RFPL1: variants seen among roughly 807,000 people sequenced by gnomAD.
RFPL1 encodes ret finger protein-like 1.
In RFPL1, 6 loss-of-function variants were observed where a neutral mutation model predicts 9.6. The observed-to-expected ratio is 0.62, with a 90% CI of 0.34 to 1.23. The LOEUF (loss-of-function observed/expected upper bound fraction) is 1.23. Ranked by LOEUF, RFPL1 falls within the 50% of genes most tolerant of loss-of-function variation. The pLI is 0.03. For synonymous variants in RFPL1, 145 were observed against 149.4 expected (o/e 0.97, Z 0.22); for missense variants, 352 against 398.4 (o/e 0.88, Z 0.99).
the RFPL1 span, among the ~76,000 whole-genome samples, chr22:29,431,079 G>A: frequency 1.3e-5 from 2 of 152,078 alleles, no homozygotes; most frequent in Non-Finnish European, 2.9e-5. Context: ...AGAGGCTCTT[G>A]TAATAAAAAC....
chr22:29,400,288 G>A, the RFPL1 span, among the ~76,000 whole-genome samples: 5 of 152,136 alleles, frequency 3.3e-5, no homozygotes, highest in Non-Finnish European at 7.4e-5. Flanking sequence ...GAGCCACCAC[G>A]CCCGGCCTAT....
At chr22:29,437,911 C>T, upstream of RFPL1, 2 of 525,014 alleles carry the variant, frequency 3.8e-6, no homozygotes, top group Middle Eastern at 5.1e-4. Context: ...GGAGTGGTGG[C>T]AGTCAATTTG....
At chr22:29,427,022 G>C in the RFPL1 span, among the ~76,000 whole-genome samples, 1 of 152,204 alleles carries the variant, frequency 6.6e-6, no homozygotes, top group South Asian at 2.1e-4. Context: ...GTGAGAATCA[G>C]GACCCTTAAG....
the RFPL1 span, among the ~76,000 whole-genome samples, chr22:29,388,817 G>A: frequency 6.6e-6 from 1 of 152,236 alleles, no homozygotes; most frequent in Non-Finnish European, 1.5e-5. Context: ...CATCTTCTGT[G>A]TAAAGACGGC....
the RFPL1 span, chr22:29,433,462 T>A: frequency 6.5e-6 from 1 of 154,594 alleles, no homozygotes; most frequent in Non-Finnish European, 1.4e-5. Context: ...ACGCCCCATC[T>A]CCTGCTGGGA....
the RFPL1 span, among the ~76,000 whole-genome samples, chr22:29,404,681 TA>T: frequency 1.3e-5 from 2 of 152,218 alleles, no homozygotes; most frequent in Non-Finnish European, 2.9e-5. Context: ...ATTAAAACAG[TA>T]ACATTAGATA....
chr22:29,441,203 A>C, intron 1 of RFPL1: 1 of 317,388 alleles, frequency 3.2e-6, no homozygotes. Context: ...GCATTGTCTT[A>C]ATTATCATTC....
the RFPL1 span, among the ~76,000 whole-genome samples, chr22:29,429,415 AAAAAAG>A: frequency 2.0e-5 from 3 of 149,870 alleles, no homozygotes; most frequent in African/African-American, 2.4e-5. Flanking sequence ...GCTAACTAAG[AAAAAAG>A]AAGAAGAAGA....
At chr22:29,404,655 G>C in the RFPL1 span, among the ~76,000 whole-genome samples, 1 of 152,170 alleles carries the variant, frequency 6.6e-6, no homozygotes, top group South Asian at 2.1e-4. Context: ...GTTTATTAAA[G>C]TAGTTAAGCC....
chr22:29,425,182 C>T, the RFPL1 span, among the ~76,000 whole-genome samples: 1 of 138,126 alleles, frequency 7.2e-6, no homozygotes, highest in Non-Finnish European at 1.5e-5. Flanking sequence ...CTAGCCTGGG[C>T]GACGGAGCGA....
chr22:29,436,691 G>C (rs914212204), upstream of RFPL1: 3 of 151,418 alleles, frequency 2.0e-5, no homozygotes, highest in Non-Finnish European at 4.4e-5. Context: ...AAATATTACT[G>C]TGTGCCATAA....
chr22:29,410,459 T>TATATGTAGATATATATATCTATATATAG, the RFPL1 span, among the ~76,000 whole-genome samples: 1 of 101,174 alleles, frequency 9.9e-6, no homozygotes, highest in Non-Finnish European at 1.8e-5. Flanking sequence ...TATAGATATA[T>TATATGTAGATATATATATCTATATATAG]ATATCTATAT....
chr22:29,431,372 C>A, the RFPL1 span, among the ~76,000 whole-genome samples: 1 of 152,184 alleles, frequency 6.6e-6, no homozygotes, highest in Non-Finnish European at 1.5e-5. Flanking sequence ...ATTTTCAGTA[C>A]CCAGTCTGGA....
At chr22:29,442,385 GC>G (rs2062845287) in exon 2 of RFPL1, 1 of 305,696 alleles carries the variant, frequency 3.3e-6, no homozygotes, top group South Asian at 1.4e-4. Context: ...ATTTCCAAAT[GC>G]TTTTTTATTT....
At chr22:29,429,554 G>A in the RFPL1 span, among the ~76,000 whole-genome samples, 84 of 152,150 alleles carry the variant, frequency 5.5e-4, 2 homozygotes, top group South Asian at 0.017. Flanking sequence ...TGACAAATTG[G>A]GAAGACTAGA....
the RFPL1 span, among the ~76,000 whole-genome samples, chr22:29,389,065 AT>A: frequency 2.6e-5 from 4 of 151,868 alleles, no homozygotes; most frequent in Non-Finnish European, 5.9e-5. Context: ...TTACTTATTT[AT>A]TTTTTGTAGA....
the RFPL1 span, among the ~76,000 whole-genome samples, chr22:29,400,026 G>C: frequency 6.9e-6 from 1 of 143,942 alleles, no homozygotes; most frequent in Admixed American, 7.2e-5. Context: ...GACAGCGTCT[G>C]GCTCTGTCGC....
chr22:29,437,891 C>A (rs946137397), upstream of RFPL1: 42 of 619,526 alleles, frequency 6.8e-5, no homozygotes, highest in Middle Eastern at 1.7e-3. Flanking sequence ...ATCCCCAGAT[C>A]TCCAGTCTAG....
the RFPL1 span, among the ~76,000 whole-genome samples, chr22:29,427,833 C>T: frequency 6.6e-6 from 1 of 152,292 alleles, no homozygotes; most frequent in East Asian, 1.9e-4. Flanking sequence ...TTCCAGTTTA[C>T]CTGTTGTTCT....
Sources: allele counts gnomAD v4.1 joint callset (sites outside exome capture counted in the v4.1 genomes callset), GRCh38; gene constraint gnomAD v4.1.1; transcripts MANE v1.5; gene names NCBI Gene and HGNC (gene_info 2026-07-23, HGNC 2026-07-21).